AHNAK: variants seen among roughly 807,000 people sequenced by gnomAD.
AHNAK encodes neuroblast differentiation-associated protein AHNAK.
In AHNAK, 23 loss-of-function variants were observed where a neutral mutation model predicts 37.8. The ratio of observed to expected loss-of-function variants is 0.61; its 90% CI spans 0.44 to 0.86. The LOEUF (loss-of-function observed/expected upper bound fraction) is 0.86, where lower values mean the gene tolerates loss of function less well. Ranked by LOEUF, AHNAK falls within the 40% of genes least tolerant of loss-of-function variation. The pLI is 0.00. For synonymous variants in AHNAK, 2,481 were observed against 2,636.3 expected (o/e 0.94, Z 1.80); for missense variants, 7,411 against 7,319.4 (o/e 1.01, Z -0.46).
rs1172699479 is a variant in AHNAK at position 62,524,917 on chromosome 11, C to T, written c.9500G>A (p.Gly3167Asp). ...GGGCAGGTTCACGTCCACTTCTGGACCTTCTCCTTTGAAGCCAGGCATGCT... is the reference window on the plus strand; with the variant it reads ...GGGCAGGTTCACGTCCACTTCTGGATCTTCTCCTTTGAAGCCAGGCATGCT... ...KISMPGFKGE[G>D]PEVDVNLPKA... is the part of the protein sequence containing the mutation. Residue 3167 changes from glycine (G) to aspartate (D), a missense_variant, in exon 5 of 5, where the codon GGT (glycine) becomes GAT (aspartate). Physicochemically the swap from Gly to Asp is moderately conservative, Grantham distance 94. Coordinates refer to ENST00000378024, the MANE Select transcript of AHNAK (RefSeq NM_001620.3). 1.2e-6 allele frequency: 2 copies of T among 1,613,762 alleles called. No individual in the cohort carries two copies. Among genetic ancestry groups the T allele is most frequent in the South Asian group, 1.1e-5 (1 of 91,054 alleles).
In AHNAK at chr11:62,520,724, G is replaced by T; in HGVS notation, c.13693C>A (p.Pro4565Thr). ...VKGPKVGIDT[P>T]DIDIHGPEGK... Reference sequence around the variant, plus strand: ...TCTGGACCATGAATGTCAATATCAGGAGTGTCAATGCCCACTTTAGGGCCT... The same window carrying T: ...TCTGGACCATGAATGTCAATATCAGTAGTGTCAATGCCCACTTTAGGGCCT... Residue 4565 changes from proline to threonine, a missense_variant, in exon 5 of 5, where the codon CCT (proline) becomes ACT (threonine). Transcript: ENST00000378024. The T allele has an allele frequency of 6.2e-7, 1 of 1,614,118 alleles. No individual in the cohort carries two copies. The highest frequency in any genetic ancestry group is 8.5e-7 in the Non-Finnish European group (1 of 1,180,030).
chr11:62,530,524 C>A lies in AHNAK; in HGVS notation c.3893G>T (p.Ser1298Ile), dbSNP rs762230115. The A allele has an allele frequency of 6.2e-7, 1 of 1,609,182 alleles. No individual in the cohort carries two copies. Among genetic ancestry groups the A allele is most frequent in the Non-Finnish European group, 8.5e-7 (1 of 1,178,678 alleles). The change falls in exon 5 of 5, where the codon AGC (serine) becomes ATC (isoleucine). Residue 1298 changes from serine (S) to isoleucine (I), a missense_variant. Ser to Ile is a moderately radical substitution (Grantham distance 142). Transcript: ENST00000378024. ...CAGCTTTCCTTCCGGGCCCTCAAGG[C>A]TCACATCTGGGACTTCAACATCCAC... ...PKVDVEVPDVSLEGPEGKLKG... is the reference protein window; with the variant it reads ...PKVDVEVPDVILEGPEGKLKG...
rs1333230256 is a variant in AHNAK at position 62,526,067 on chromosome 11, G to A, written c.8350C>T (p.Pro2784Ser). ...TTGGGCAGGTTCACGTCCACATCTGGACCTTCTCCTTTGAAGCCAGGCATG... is the reference window on the plus strand; with the variant it reads ...TTGGGCAGGTTCACGTCCACATCTGAACCTTCTCCTTTGAAGCCAGGCATG... ...ISMPGFKGEG[P>S]DVDVNLPKAD... Residue 2784 changes from proline (P) to serine (S), a missense_variant, in exon 5 of 5, where the codon CCA becomes TCA. Transcript: ENST00000378024. 4.3e-6 allele frequency: 7 copies of A among 1,612,762 alleles called. No individual in the cohort carries two copies. In the East Asian group the frequency reaches 1.1e-4, roughly 26 times the overall value.
chr11:62,499,508 A>G (rs1383573458), intron 4 of AHNAK, among the ~76,000 whole-genome samples: 2 of 152,068 alleles, frequency 1.3e-5, no homozygotes, highest in African/African-American at 4.8e-5. Flanking sequence ...CCAAGATCGC[A>G]CCACAGCACT....
At chr11:62,450,765 A>G (rs955069779) in intron 5 of AHNAK, among the ~76,000 whole-genome samples, 1 of 152,250 alleles carries the variant, frequency 6.6e-6, no homozygotes, top group African/African-American at 2.4e-5. Flanking sequence ...CCCTAGGCCC[A>G]TTGGACTTTC....
intron 5 of AHNAK, among the ~76,000 whole-genome samples, chr11:62,484,876 G>C (rs1282627707): frequency 6.6e-6 from 1 of 152,118 alleles, no homozygotes; most frequent in Non-Finnish European, 1.5e-5. Context: ...CACAACCTCC[G>C]CCTCCCGGGT....
chr11:62,440,389 C>A (rs1938279305), intron 5 of AHNAK, among the ~76,000 whole-genome samples: 2 of 152,066 alleles, frequency 1.3e-5, no homozygotes, highest in Admixed American at 6.6e-5. Context: ...CACCAAGGAA[C>A]CTGGGATTGC....
At position 62,488,967 on chromosome 11, in the gene AHNAK, G is replaced by C. The variant is rs115196233; in HGVS notation, c.442+2765C>G. Among the ~76,000 whole-genome samples, 2 of 152,074 alleles carry C rather than the reference G, an allele frequency of 1.3e-5. 1 individual carries two copies. The highest frequency in any genetic ancestry group is 3.9e-4 in the East Asian group (2 of 5,122). The stretch of plus-strand genomic sequence containing the variant: ...AATAAAGACACAGGAGCGGCCCAGC[G>C]CGGTGGCTCACACCTGTAATCCCAG... On this transcript the variant is annotated intron_variant, in intron 5 of 5. Transcript: ENST00000257247.
chr11:62,519,019 C>A lies in AHNAK; in HGVS notation c.15398G>T (p.Gly5133Val), dbSNP rs1006974969. Residue 5133 changes from glycine to valine, a missense_variant, in exon 5 of 5, where the codon GGT (glycine) becomes GTT (valine). Gly to Val is a moderately radical substitution (Grantham distance 109). Transcript: ENST00000378024. ...ELSLPAIHVEGLDIKAKAPKV... is the reference protein window; with the variant it reads ...ELSLPAIHVEVLDIKAKAPKV... ...GGGAGCCTTCGCCTTGATGTCAAGA[C>A]CTTCGACGTGAATCGCTGGCAAAGA... The A allele has an allele frequency of 6.2e-7, 1 of 1,613,638 alleles. No homozygotes were observed. The highest frequency in any genetic ancestry group is 8.5e-7 in the Non-Finnish European group (1 of 1,179,672).
Position 62,516,004 on chromosome 11 carries a change from A to G in AHNAK, c.*740T>C. On this transcript the variant is annotated 3_prime_UTR_variant, in exon 5 of 5. Transcript: ENST00000378024. ...GCTGGAAATTTTCTTAATCATGATA[A>G]CATTTGTTAAAAAGAAATCAGAACT... The G allele has an allele frequency of 8.5e-7, 1 of 1,171,298 alleles. No individual in the cohort carries two copies. Among genetic ancestry groups the G allele is most frequent in the Non-Finnish European group, 1.1e-6 (1 of 931,534 alleles). 72.6% of individuals were successfully genotyped at this position (1,171,298 alleles called of 1,614,324 possible).
At position 62,522,463 on chromosome 11, in the gene AHNAK, T is replaced by C. The variant is rs368244753; in HGVS notation, c.11954A>G (p.Lys3985Arg). Reference protein sequence around the residue: ...VNIEGPDAKLKGPKFKMPEMN... With the variant: ...VNIEGPDAKLRGPKFKMPEMN... ...CTCTGGCATCTTGAATTTAGGGCCC[T>C]TCAGTTTCGCATCTGGACCTTCAAT... is the stretch of plus-strand genomic sequence containing the variant. The change falls in exon 5 of 5, where the codon AAG becomes AGG. Residue 3985 changes from lysine to arginine, a missense_variant. Lys to Arg is a conservative substitution (Grantham distance 26, BLOSUM62 2). Coordinates refer to ENST00000378024, the MANE Select transcript of AHNAK (RefSeq NM_001620.3). The C allele has an allele frequency of 1.9e-6, 3 of 1,613,468 alleles. No individual in the cohort carries two copies. In the African/African-American group the frequency reaches 4.0e-5, roughly 22 times the overall value.
intron 5 of AHNAK, among the ~76,000 whole-genome samples, chr11:62,466,337 T>A (rs1391178220): frequency 1.3e-5 from 2 of 152,106 alleles, no homozygotes; most frequent in Non-Finnish European, 2.9e-5. Flanking sequence ...AAATTTTTGT[T>A]TTTAATTATA....
intron 5 of AHNAK, among the ~76,000 whole-genome samples, chr11:62,486,543 G>GAA (rs1259607591): frequency 0.013 from 12 of 950 alleles, no homozygotes; most frequent in Non-Finnish European, 0.028. Flanking sequence ...AGGAAGGAAG[G>GAA]GAGGGAGGGA....
rs145624418 is a variant in AHNAK, at chr11:62,526,444, C to A, written c.7973G>T (p.Gly2658Val). The stretch of plus-strand genomic sequence containing the variant: ...GTCAGCCTTGGGCAGCTTCACATCC[C>A]CATCTGGGCCCTCTCCTTTGAAGCC... ...MPGFKGEGPD[G>V]DVKLPKADID... The change falls in exon 5 of 5, where the codon GGG becomes GTG. Residue 2658 changes from glycine (G) to valine (V), a missense_variant. By Grantham distance (109) the Gly-to-Val change is moderately radical (BLOSUM62 -3). Transcript: ENST00000378024. 2,505 of 1,603,284 alleles carry A rather than the reference C, an allele frequency of 1.6e-3. 44 individuals are homozygous for A. In the African/African-American group the frequency reaches 0.031, roughly 20 times the overall value.
chr11:62,531,934 T>C lies in AHNAK; in HGVS notation c.2483A>G (p.Lys828Arg), dbSNP rs1287279742. 5 of 1,613,934 alleles carry C rather than the reference T, an allele frequency of 3.1e-6. No individual in the cohort carries two copies. The highest frequency in any genetic ancestry group is 4.2e-6 in the Non-Finnish European group (5 of 1,180,032). Residue 828 changes from lysine (K) to arginine (R), a missense_variant, in exon 5 of 5, where the codon AAA becomes AGA. Lys to Arg is a conservative substitution (Grantham distance 26, BLOSUM62 2). Coordinates refer to ENST00000378024, the MANE Select transcript of AHNAK (RefSeq NM_001620.3). ...ISMPDVDLHL[K>R]GPNVKGEYDV... ...ATATTCTCCCTTTACGTTAGGGCCT[T>C]TCAGATGTAAGTCCACATCAGGCAT... is the stretch of plus-strand genomic sequence containing the variant.
chr11:62,450,148 A>C (rs28695279), intron 5 of AHNAK, among the ~76,000 whole-genome samples: 7 of 117,166 alleles, frequency 6.0e-5, no homozygotes, highest in Non-Finnish European at 7.8e-5. Flanking sequence ...TATTTATTTT[A>C]TTTATTTACT....
chr11:62,526,599 A>G lies in AHNAK; in HGVS notation c.7818T>C (p.Gly2606=). Reference sequence around the variant, plus strand: ...TGTCAACTTCGGGGCCCTTGAGGTCACCTTCCACTTTGGGCAGAGAAACAT... The same window carrying G: ...TGTCAACTTCGGGGCCCTTGAGGTCGCCTTCCACTTTGGGCAGAGAAACAT... ...DVDVSLPKVE[G]DLKGPEVDIK... Residue 2606 remains glycine (G), a synonymous_variant, in exon 5 of 5, where the codon GGT becomes GGC. Coordinates refer to ENST00000378024, the MANE Select transcript of AHNAK (RefSeq NM_001620.3). 6.2e-7 allele frequency: 1 copy of G among 1,612,802 alleles called. No homozygotes were observed. The highest frequency in any genetic ancestry group is 1.1e-5 in the South Asian group (1 of 91,044).
chr11:62,529,732 A>G lies in AHNAK; in HGVS notation c.4685T>C (p.Leu1562Pro). The G allele has an allele frequency of 6.2e-7, 1 of 1,614,076 alleles. No homozygotes were observed. The highest frequency in any genetic ancestry group is 8.5e-7 in the Non-Finnish European group (1 of 1,180,024). The change falls in exon 5 of 5, where the codon CTA (leucine) becomes CCA (proline). Residue 1562 changes from leucine to proline, a missense_variant. Physicochemically the swap from Leu to Pro is moderately conservative, Grantham distance 98. Coordinates refer to ENST00000378024, the MANE Select transcript of AHNAK (RefSeq NM_001620.3). The stretch of plus-strand genomic sequence containing the variant: ...TGGCATCTTGAACTTAGGGCCTTTT[A>G]GTTTCCCCTCTGGAGCTTCAAGATT... ...DVNLEAPEGK[L>P]KGPKFKMPSM...
At position 62,524,318 on chromosome 11, in the gene AHNAK, G is replaced by C; in HGVS notation, c.10099C>G (p.Pro3367Ala). ...FNFSGSKVQT[P>A]EVDVKGKKPD... ...TTTTTACCTTTGACATCCACTTCAG[G>C]TGTCTGAACTTTAGAGCCCGAAAAA... Residue 3367 changes from proline (P) to alanine (A), a missense_variant, in exon 5 of 5, where the codon CCT becomes GCT. By Grantham distance (27) the Pro-to-Ala change is conservative (BLOSUM62 -1). Coordinates refer to ENST00000378024, the MANE Select transcript of AHNAK (RefSeq NM_001620.3). The C allele has an allele frequency of 1.9e-6, 3 of 1,613,690 alleles. No individual in the cohort carries two copies. Among genetic ancestry groups the C allele is most frequent in the Non-Finnish European group, 1.7e-6 (2 of 1,179,950 alleles).
Sources: allele counts gnomAD v4.1 joint callset (sites outside exome capture counted in the v4.1 genomes callset), GRCh38; gene constraint gnomAD v4.1.1; transcripts MANE v1.5; gene names NCBI Gene and HGNC (gene_info 2026-07-23, HGNC 2026-07-21).